Variants in SGCZ observed in about 807,000 individuals in gnomAD.
SGCZ encodes sarcoglycan zeta.
SGCZ carries 40 observed loss-of-function variants against 41.3 expected under a neutral mutation model. The observed-to-expected ratio is 0.97, with a 90% confidence interval of 0.75 to 1.26. The LOEUF (loss-of-function observed/expected upper bound fraction) is 1.26, where lower values mean the gene tolerates loss of function less well. Ranked by LOEUF, SGCZ falls within the 50% of genes most tolerant of loss-of-function variation. The pLI, the probability that SGCZ is intolerant of heterozygous loss-of-function variation, is 0.00. For missense variants in SGCZ, 552 were observed against 369.8 expected (o/e 1.49, Z -4.04); for synonymous variants, 206 against 137.5 (o/e 1.50, Z -3.49).
At chr8:14,330,769 G>C (rs78208134) in intron 2 of SGCZ, among the ~76,000 whole-genome samples, 1 of 152,044 alleles carries the variant, frequency 6.6e-6, no homozygotes, top group East Asian at 1.9e-4. Flanking sequence ...CTGCTTACCA[G>C]AGAAATGTAA....
intron 1 of SGCZ, among the ~76,000 whole-genome samples, chr8:14,633,206 A>T (rs995802555): frequency 2.0e-5 from 3 of 151,998 alleles, no homozygotes; most frequent in Non-Finnish European, 2.9e-5. Context: ...ATCTGGCATT[A>T]TTCTATATGT....
At chr8:14,830,139 G>T (rs1487972290) in intron 1 of SGCZ, among the ~76,000 whole-genome samples, 1 of 151,968 alleles carries the variant, frequency 6.6e-6, no homozygotes, top group African/African-American at 2.4e-5. Context: ...TTTTTAAGTT[G>T]AATTTCAGTT....
intron 4 of SGCZ, among the ~76,000 whole-genome samples, chr8:14,207,362 C>T (rs185214161): frequency 5.3e-5 from 8 of 152,270 alleles, no homozygotes; most frequent in African/African-American, 1.7e-4. Context: ...TCATATTCTG[C>T]CATGACAGAG....
intron 1 of SGCZ, among the ~76,000 whole-genome samples, chr8:14,805,798 C>T (rs1801500732): frequency 6.6e-6 from 1 of 151,890 alleles, no homozygotes; most frequent in South Asian, 2.1e-4. Context: ...CACCACACCA[C>T]ACCTATTCCA....
intron 1 of SGCZ, among the ~76,000 whole-genome samples, chr8:14,679,743 A>C (rs1808384118): frequency 6.6e-6 from 1 of 152,056 alleles, no homozygotes; most frequent in Admixed American, 6.6e-5. Context: ...CCAATAGTGC[A>C]TAGTAATGTC....
At chr8:15,157,079 G>A (rs994724800) in intron 1 of SGCZ, among the ~76,000 whole-genome samples, 2 of 151,924 alleles carry the variant, frequency 1.3e-5, no homozygotes, top group African/African-American at 4.8e-5. Context: ...CAATTTACAT[G>A]AGCATACATA....
At chr8:15,218,543 T>A (rs1183464106) in intron 1 of SGCZ, among the ~76,000 whole-genome samples, 1 of 152,188 alleles carries the variant, frequency 6.6e-6, no homozygotes, top group Non-Finnish European at 1.5e-5. Flanking sequence ...CATACATCCA[T>A]GCAAAGACCA....
At chr8:14,796,714 A>G (rs1465210179) in intron 1 of SGCZ, among the ~76,000 whole-genome samples, 1 of 152,108 alleles carries the variant, frequency 6.6e-6, no homozygotes, top group Non-Finnish European at 1.5e-5. Context: ...AGATGTCAAA[A>G]CTGTATTAGC....
At chr8:14,417,645 A>G (rs1799530771) in intron 2 of SGCZ, among the ~76,000 whole-genome samples, 1 of 151,886 alleles carries the variant, frequency 6.6e-6, no homozygotes. Flanking sequence ...AAAAATAACG[A>G]TACAGCATGA....
intron 1 of SGCZ, among the ~76,000 whole-genome samples, chr8:14,832,553 A>C (rs1417188872): frequency 6.6e-6 from 1 of 152,180 alleles, no homozygotes; most frequent in African/African-American, 2.4e-5. Flanking sequence ...TTGAAGATAG[A>C]AAAAGCTAAC....
intron 1 of SGCZ, among the ~76,000 whole-genome samples, chr8:15,057,552 A>T (rs1485922765): frequency 6.6e-6 from 1 of 152,210 alleles, no homozygotes; most frequent in Non-Finnish European, 1.5e-5. Context: ...TCATGTATTA[A>T]TTAAACAAGC....
chr8:14,563,761 T>G (rs1170330104), intron 1 of SGCZ, among the ~76,000 whole-genome samples: 4 of 152,176 alleles, frequency 2.6e-5, no homozygotes, highest in Non-Finnish European at 5.9e-5. Context: ...AGTAATAAAG[T>G]TAATTTAAGT....
intron 1 of SGCZ, among the ~76,000 whole-genome samples, chr8:15,054,457 C>G (rs577643555): frequency 8.1e-4 from 122 of 151,206 alleles, no homozygotes; most frequent in African/African-American, 2.9e-3. Context: ...ATTACTAACC[C>G]CTGGAGTGCT....
chr8:14,840,430 A>T (rs553550828), intron 1 of SGCZ, among the ~76,000 whole-genome samples: 16 of 152,268 alleles, frequency 1.1e-4, no homozygotes, highest in African/African-American at 3.4e-4. Flanking sequence ...GTAATAATAC[A>T]ATGTTGCGGA....
At chr8:14,684,958 T>C (rs1001580525) in intron 1 of SGCZ, among the ~76,000 whole-genome samples, 29 of 152,170 alleles carry the variant, frequency 1.9e-4, no homozygotes, top group Admixed American at 1.1e-3. Context: ...ATTAAATTTC[T>C]AAATGTACAA....
chr8:15,191,605 A>G (rs1800541392), intron 1 of SGCZ, among the ~76,000 whole-genome samples: 1 of 152,086 alleles, frequency 6.6e-6, no homozygotes, highest in Non-Finnish European at 1.5e-5. Context: ...TCATCATTAT[A>G]TGAAAGTATG....
chr8:14,919,036 G>C (rs879850486), intron 1 of SGCZ, among the ~76,000 whole-genome samples: 3 of 152,182 alleles, frequency 2.0e-5, no homozygotes, highest in African/African-American at 4.8e-5. Flanking sequence ...TATCATGTCA[G>C]TGGAGATAAT....
At chr8:14,799,570 C>G (rs1801247885) in intron 1 of SGCZ, among the ~76,000 whole-genome samples, 1 of 152,096 alleles carries the variant, frequency 6.6e-6, no homozygotes, top group Admixed American at 6.6e-5. Context: ...CTAAACTATC[C>G]TTAGCATTTG....
chr8:14,373,227 A>T (rs1257968914), intron 2 of SGCZ, among the ~76,000 whole-genome samples: 5 of 152,206 alleles, frequency 3.3e-5, no homozygotes, highest in Non-Finnish European at 1.5e-5. Context: ...GAGCCTTAGC[A>T]ACTGGCAAAA....
Sources: allele counts gnomAD v4.1 joint callset (sites outside exome capture counted in the v4.1 genomes callset), GRCh38; gene constraint gnomAD v4.1.1; transcripts MANE v1.5; gene names NCBI Gene and HGNC (gene_info 2026-07-23, HGNC 2026-07-21).